DHRSX: variants seen among roughly 807,000 people sequenced by gnomAD.
The protein encoded by DHRSX is dehydrogenase/reductase X-linked.
DHRSX carries 31 observed loss-of-function variants against 34.0 expected under a neutral mutation model. The observed-to-expected ratio is 0.91, with a 90% CI of 0.69 to 1.23. The LOEUF is 1.23. Among genes scored for constraint, DHRSX ranks in the 50% most tolerant of loss-of-function variants. The pLI is 0.00. For missense variants in DHRSX, 414 were observed against 428.1 expected (o/e 0.97, Z 0.29); for synonymous variants, 201 against 183.8 (o/e 1.09, Z -0.76).
chrX:2,485,399 G>C (rs1481567613), intron 1 of DHRSX, among the ~76,000 whole-genome samples: 5 of 151,452 alleles, frequency 3.3e-5, no homozygotes, highest in Non-Finnish European at 5.9e-5. Context: ...ACAGCACTTG[G>C]AAAGGGCAAG....
chrX:2,478,263 TG>T (rs1209990134), intron 1 of DHRSX, among the ~76,000 whole-genome samples: 3 of 152,112 alleles, frequency 2.0e-5, no homozygotes, highest in African/African-American at 7.2e-5. Context: ...TCTCTCACTG[TG>T]CCTGGGATGG....
chrX:2,362,068 AAAGG>A (rs1346012440), intron 3 of DHRSX, among the ~76,000 whole-genome samples: 4 of 152,318 alleles, frequency 2.6e-5, no homozygotes, highest in African/African-American at 7.2e-5. Context: ...AATTCAAAGA[AAAGG>A]AAGGCTGGAG....
intron 4 of DHRSX, among the ~76,000 whole-genome samples, chrX:2,285,975 T>A (rs1427344744): frequency 6.6e-6 from 1 of 152,218 alleles, no homozygotes; most frequent in East Asian, 1.9e-4. Flanking sequence ...TGAATTCTGA[T>A]GCATAAACCA....
At position 2,489,784 on chromosome X, in the gene DHRSX, C is replaced by T. The variant is rs779511144; in HGVS notation, c.109+11033G>A. On this transcript the variant is annotated intron_variant, in intron 1 of 6. Coordinates refer to ENST00000334651, the MANE Select transcript of DHRSX (RefSeq NM_145177.3). ...ACTCCACCAGTTTGCGGCAGCGCGACAGCAGCGCCCCCAGCTTCGGGAGCT... is the reference window on the plus strand; with the variant it reads ...ACTCCACCAGTTTGCGGCAGCGCGATAGCAGCGCCCCCAGCTTCGGGAGCT... 1.9e-6 allele frequency: 3 copies of T among 1,613,446 alleles called. No homozygotes were observed. In the South Asian group the frequency reaches 3.3e-5, roughly 18 times the overall value.
At chrX:2,329,717 C>T (rs1257509020) in intron 3 of DHRSX, among the ~76,000 whole-genome samples, 1 of 152,086 alleles carries the variant, frequency 6.6e-6, no homozygotes, top group Non-Finnish European at 1.5e-5. Flanking sequence ...TTAACTCTCT[C>T]GAAGGACATT....
chrX:2,371,915 A>G (rs756871655), intron 3 of DHRSX, among the ~76,000 whole-genome samples: 4 of 152,322 alleles, frequency 2.6e-5, no homozygotes, highest in East Asian at 1.9e-4. Context: ...TCTCTGCAGG[A>G]AAGTCCATAT....
chrX:2,326,617 C>G (rs2042389458), intron 3 of DHRSX, among the ~76,000 whole-genome samples: 1 of 151,984 alleles, frequency 6.6e-6, no homozygotes, highest in South Asian at 2.1e-4. Flanking sequence ...CACCAGGTTC[C>G]CAGGGTGAAG....
chrX:2,261,255 C>G (rs992652384), intron 5 of DHRSX: 1 of 152,012 alleles, frequency 6.6e-6, no homozygotes, highest in African/African-American at 2.4e-5. Context: ...ATAAGCAATA[C>G]CGTCAAAGCC....
At chrX:2,436,860 T>C (rs575140570) in intron 1 of DHRSX, among the ~76,000 whole-genome samples, 5 of 152,132 alleles carry the variant, frequency 3.3e-5, no homozygotes, top group African/African-American at 1.2e-4. Context: ...CTCAAACTCC[T>C]GGCCTCAAGT....
At chrX:2,421,578 C>T (rs1429678806) in intron 2 of DHRSX, among the ~76,000 whole-genome samples, 4 of 152,210 alleles carry the variant, frequency 2.6e-5, no homozygotes, top group Non-Finnish European at 5.9e-5. Flanking sequence ...GAGTCAAAGA[C>T]TCCTGGGGAT....
chrX:2,274,585 C>CTTT (rs35716727), intron 4 of DHRSX, among the ~76,000 whole-genome samples: 6 of 129,134 alleles, frequency 4.6e-5, no homozygotes, highest in Non-Finnish European at 8.3e-5. Context: ...CCCGGCTAAA[C>CTTT]TTTTTTTTTT....
intron 1 of DHRSX, among the ~76,000 whole-genome samples, chrX:2,481,231 G>A (rs2044765831): frequency 6.6e-6 from 1 of 152,042 alleles, no homozygotes; most frequent in African/African-American, 2.4e-5. Context: ...GCATTTCCAG[G>A]CAGAAAGCAA....
chrX:2,303,750 GGATTGGATA>G (rs2042044652), intron 3 of DHRSX, among the ~76,000 whole-genome samples: 3 of 145,178 alleles, frequency 2.1e-5, no homozygotes, highest in South Asian at 4.5e-4. Flanking sequence ...ATGGATGGAT[GGATTGGATA>G]GATGGATGGA....
intron 3 of DHRSX, among the ~76,000 whole-genome samples, chrX:2,367,210 T>A (rs1056260383): frequency 4.0e-5 from 6 of 151,814 alleles, no homozygotes; most frequent in Admixed American, 3.9e-4. Context: ...GAGGCTGAGG[T>A]GGGCGGATCA....
At chrX:2,241,823 G>A (rs894280282) in intron 6 of DHRSX, among the ~76,000 whole-genome samples, 2 of 151,894 alleles carry the variant, frequency 1.3e-5, no homozygotes, top group Non-Finnish European at 2.9e-5. Flanking sequence ...CAGGAGAATC[G>A]CTTGAACCCA....
chrX:2,441,082 G>A (rs1020126105), intron 1 of DHRSX, among the ~76,000 whole-genome samples: 1 of 152,110 alleles, frequency 6.6e-6, no homozygotes, highest in South Asian at 2.1e-4. Context: ...GGAACACCAC[G>A]GCTTCCGGCT....
intron 3 of DHRSX, among the ~76,000 whole-genome samples, chrX:2,346,546 C>T (rs2042714648): frequency 6.6e-6 from 1 of 152,038 alleles, no homozygotes; most frequent in Non-Finnish European, 1.5e-5. Context: ...TGGAAAGCCT[C>T]CCATAGCTTC....
At chrX:2,425,494 G>A (rs1407344562) in intron 1 of DHRSX, among the ~76,000 whole-genome samples, 190 bp from the exon 2 acceptor site, 2 of 152,146 alleles carry the variant, frequency 1.3e-5, no homozygotes, top group African/African-American at 4.8e-5. Context: ...CCCCAGTAAT[G>A]ACAGTGCAGT....
chrX:2,333,912 A>G (rs1169697257), intron 3 of DHRSX, among the ~76,000 whole-genome samples: 1 of 152,166 alleles, frequency 6.6e-6, no homozygotes, highest in African/African-American at 2.4e-5. Context: ...ATGTTCCTGC[A>G]AAAAATAATA....
Sources: allele counts gnomAD v4.1 joint callset (sites outside exome capture counted in the v4.1 genomes callset), GRCh38; gene constraint gnomAD v4.1.1; transcripts MANE v1.5; gene names NCBI Gene and HGNC (gene_info 2026-07-23, HGNC 2026-07-21).